The following RIMS1 variants were observed in gnomAD, a reference collection of about 807,000 sequenced individuals.
RIMS1 encodes regulating synaptic membrane exocytosis protein 1.
A neutral mutation model predicts 214.1 loss-of-function variants in RIMS1; 83 were observed. The ratio of observed to expected loss-of-function variants is 0.39; its 90% confidence interval spans 0.32 to 0.47. The LOEUF (loss-of-function observed/expected upper bound fraction) is 0.47, where lower values mean the gene tolerates loss of function less well. Ranked by LOEUF, RIMS1 falls within the 20% of genes least tolerant of loss-of-function variation. The pLI is 0.99. For missense variants in RIMS1, 2,050 were observed against 2,161.8 expected, an observed-to-expected ratio of 0.95 and a Z score of 1.03; for synonymous variants, 793 against 786.8, an observed-to-expected ratio of 1.01 and a Z score of -0.13.
intron 27 of RIMS1, among the ~76,000 whole-genome samples, chr6:72,311,861 C>T (rs1437207178): frequency 6.6e-6 from 1 of 152,074 alleles, no homozygotes; most frequent in African/African-American, 2.4e-5. Context: ...GTCCCAGCTA[C>T]TTGGGAGGCT....
At chr6:72,266,957 G>A (rs12526957) in intron 22 of RIMS1, among the ~76,000 whole-genome samples, 1 of 151,908 alleles carries the variant, frequency 6.6e-6, no homozygotes, top group South Asian at 2.1e-4. Context: ...CTTTTCTTTA[G>A]GTAACTTTCT....
At chr6:72,276,156 AGTGAGCCATG>A (rs2086288724) in intron 23 of RIMS1, among the ~76,000 whole-genome samples, 1 of 152,218 alleles carries the variant, frequency 6.6e-6, no homozygotes, top group Non-Finnish European at 1.5e-5. Flanking sequence ...TCAAGGTTGT[AGTGAGCCATG>A]GTCATACTAC....
chr6:72,119,304 A>G (rs1339390273), intron 4 of RIMS1, among the ~76,000 whole-genome samples: 1 of 151,884 alleles, frequency 6.6e-6, no homozygotes, highest in Non-Finnish European at 1.5e-5. Flanking sequence ...CTGCCAAAAA[A>G]ATAATAGATG....
In RIMS1 at chr6:72,182,377, G is replaced by A. The variant is rs1320811399; in HGVS notation, c.906G>A (p.Glu302=). 6 of 1,613,910 alleles carry A rather than the reference G, an allele frequency of 3.7e-6. No homozygotes were observed. The highest frequency in any genetic ancestry group is 3.3e-5 in the South Asian group (3 of 91,086). The part of the protein sequence containing the change: ...RVPKTSAQPV[E]GAVEERERKE... The stretch of plus-strand genomic sequence containing the variant: ...CAAAGACCTCAGCGCAGCCCGTGGA[G>A]GGGGCCGTCGAAGAACGGGAGCGCA... Residue 302 remains glutamate (E), a synonymous_variant, in exon 6 of 34, where the codon GAG becomes GAA. Transcript: ENST00000521978.
chr6:71,894,725 A>G (rs1443596291), intron 1 of RIMS1, among the ~76,000 whole-genome samples: 3 of 152,188 alleles, frequency 2.0e-5, no homozygotes, highest in Non-Finnish European at 4.4e-5. Flanking sequence ...AAAATGAGGT[A>G]ATGTTACAGA....
intron 19 of RIMS1, 187 bp downstream of exon 19, chr6:72,260,954 G>A (rs1184048977): frequency 2.9e-6 from 4 of 1,397,630 alleles, no homozygotes; most frequent in African/African-American, 1.4e-5. Flanking sequence ...TTCCGATTCA[G>A]GCTGACTGCT....
At chr6:72,268,416 A>G (rs965412007) in intron 22 of RIMS1, among the ~76,000 whole-genome samples, 2 of 152,212 alleles carry the variant, frequency 1.3e-5, no homozygotes, top group Non-Finnish European at 2.9e-5. Flanking sequence ...TATTCTTAAG[A>G]GATGAACATT....
At chr6:72,172,200 A>G (rs1047630568) in intron 4 of RIMS1, among the ~76,000 whole-genome samples, 17 of 152,188 alleles carry the variant, frequency 1.1e-4, no homozygotes, top group Admixed American at 2.0e-4. Flanking sequence ...TTAACGGTAC[A>G]ACTTAAATGA....
At chr6:72,235,396 T>A (rs568313022) in intron 7 of RIMS1, among the ~76,000 whole-genome samples, 1 of 152,216 alleles carries the variant, frequency 6.6e-6, no homozygotes, top group South Asian at 2.1e-4. Flanking sequence ...TTTTACTTTG[T>A]ACTACTACAA....
intron 16 of RIMS1, among the ~76,000 whole-genome samples, chr6:72,255,482 G>A (rs1359003298): frequency 1.3e-5 from 2 of 152,208 alleles, no homozygotes; most frequent in South Asian, 2.1e-4. Flanking sequence ...TATTTGATGT[G>A]TTTACTATCT....
chr6:72,292,550 G>A (rs1356507318), intron 26 of RIMS1, among the ~76,000 whole-genome samples: 3 of 152,156 alleles, frequency 2.0e-5, no homozygotes, highest in Non-Finnish European at 4.4e-5. Flanking sequence ...ATTGCTTAAA[G>A]ATTTCCTTAT....
At chr6:71,920,578 A>G (rs909866956) in intron 1 of RIMS1, among the ~76,000 whole-genome samples, 2 of 152,228 alleles carry the variant, frequency 1.3e-5, no homozygotes, top group African/African-American at 4.8e-5. Context: ...GTAAAATTTA[A>G]TTAGTGGGTA....
chr6:72,189,426 C>G (rs1397807192), intron 6 of RIMS1, among the ~76,000 whole-genome samples: 1 of 152,160 alleles, frequency 6.6e-6, no homozygotes, highest in Non-Finnish European at 1.5e-5. Flanking sequence ...TGTGGAATAC[C>G]ATGACAGTAG....
At chr6:71,917,701 A>G (rs1229958107) in intron 1 of RIMS1, among the ~76,000 whole-genome samples, 1 of 152,198 alleles carries the variant, frequency 6.6e-6, no homozygotes, top group Non-Finnish European at 1.5e-5. Flanking sequence ...GTGGACCTTA[A>G]GAGACCATTC....
intron 2 of RIMS1, among the ~76,000 whole-genome samples, chr6:72,033,482 A>T (rs894995510): frequency 6.6e-6 from 1 of 151,736 alleles, no homozygotes; most frequent in Non-Finnish European, 1.5e-5. Context: ...AAAATTGCCA[A>T]TTTTTTTTCC....
Position 72,251,019 on chromosome 6 carries a change from G to A in RIMS1, c.2471G>A (p.Arg824Lys). 1 of 1,575,068 alleles carries A rather than the reference G, an allele frequency of 6.3e-7. No homozygotes were observed. Among genetic ancestry groups the A allele is most frequent in the East Asian group, 2.3e-5 (1 of 43,056 alleles). Residue 824 changes from arginine (R) to lysine (K), a missense_variant, in exon 14 of 34, where the codon AGA becomes AAA. Transcript: ENST00000521978. ...VYSHVHRRDF[R>K]ERMLEITVWD... ...TCACATGTACATCGTAGAGATTTTAGAGAACGAATGTTAGAAATAACTGTG... is the reference window on the plus strand; with the variant it reads ...TCACATGTACATCGTAGAGATTTTAAAGAACGAATGTTAGAAATAACTGTG...
At chr6:72,273,062 C>T (rs2084260551) in intron 22 of RIMS1, among the ~76,000 whole-genome samples, 1 of 152,108 alleles carries the variant, frequency 6.6e-6, no homozygotes, top group Non-Finnish European at 1.5e-5. Context: ...AGTATTTTCA[C>T]TTGCTTCATG....
chr6:72,299,881 T>G (rs1206181476), intron 26 of RIMS1, among the ~76,000 whole-genome samples: 2 of 151,812 alleles, frequency 1.3e-5, no homozygotes, highest in Non-Finnish European at 2.9e-5. Context: ...AGGTCTCAGT[T>G]TTATTTACAT....
At chr6:72,222,475 C>T (rs1230031936) in intron 6 of RIMS1, among the ~76,000 whole-genome samples, 1 of 152,020 alleles carries the variant, frequency 6.6e-6, no homozygotes. Context: ...TGCATTTAAT[C>T]TTTAAATTAA....
Sources: allele counts gnomAD v4.1 joint callset (sites outside exome capture counted in the v4.1 genomes callset), GRCh38; gene constraint gnomAD v4.1.1; transcripts MANE v1.5; gene names NCBI Gene and HGNC (gene_info 2026-07-23, HGNC 2026-07-21).